EYA4: variants seen among roughly 807,000 people sequenced by gnomAD.
EYA4 encodes protein phosphatase EYA4.
Under a neutral mutation model 87.9 loss-of-function variants are expected in EYA4, and 31 were observed. That is an observed-to-expected ratio of 0.35 (90% CI 0.27 to 0.48). The LOEUF (loss-of-function observed/expected upper bound fraction) is 0.48. Ranked by LOEUF, EYA4 falls within the 20% of genes least tolerant of loss-of-function variation. The pLI is 0.99. For synonymous variants in EYA4, 263 were observed against 270.6 expected (o/e 0.97, Z 0.28); for missense variants, 678 against 761.4 (o/e 0.89, Z 1.29).
chr6:133,507,306 T>G (rs1798725946), intron 14 of EYA4: 1 of 152,206 alleles, frequency 6.6e-6, no homozygotes, highest in African/African-American at 2.4e-5. Context: ...AGCACATACT[T>G]CTGACCCATC....
intron 2 of EYA4, among the ~76,000 whole-genome samples, chr6:133,356,206 A>G (rs779286444): frequency 6.6e-6 from 1 of 152,082 alleles, no homozygotes; most frequent in Admixed American, 6.5e-5. Context: ...TCTCCAAATA[A>G]TCTCACATTG....
At chr6:133,443,160 A>AT (rs1197966601) in intron 3 of EYA4, among the ~76,000 whole-genome samples, 1 of 151,644 alleles carries the variant, frequency 6.6e-6, no homozygotes, top group African/African-American at 2.4e-5. Context: ...GTTTCCTTCT[A>AT]TTTTTTCTGA....
At chr6:133,316,770 T>C (rs1213546648) in intron 2 of EYA4, among the ~76,000 whole-genome samples, 1 of 152,196 alleles carries the variant, frequency 6.6e-6, no homozygotes, top group Non-Finnish European at 1.5e-5. Flanking sequence ...TGGCCTTCTT[T>C]TTCCTTGTGC....
intron 16 of EYA4, among the ~76,000 whole-genome samples, chr6:133,513,349 A>G (rs1344525242): frequency 1.3e-5 from 2 of 152,202 alleles, no homozygotes; most frequent in Admixed American, 6.5e-5. Flanking sequence ...AAAATCAGAC[A>G]GAGGAACTAA....
At chr6:133,445,076 C>T (rs934283502) in intron 3 of EYA4, among the ~76,000 whole-genome samples, 3 of 151,986 alleles carry the variant, frequency 2.0e-5, no homozygotes, top group Non-Finnish European at 2.9e-5. Flanking sequence ...CTGCTTTAAT[C>T]GTTCTGTTGG....
At chr6:133,327,999 C>A (rs1781638721) in intron 2 of EYA4, among the ~76,000 whole-genome samples, 1 of 152,200 alleles carries the variant, frequency 6.6e-6, no homozygotes, top group South Asian at 2.1e-4. Context: ...ATTTACATAA[C>A]CAGTGTAATT....
intron 2 of EYA4, among the ~76,000 whole-genome samples, chr6:133,305,349 A>C (rs1384303621): frequency 6.6e-6 from 1 of 152,140 alleles, no homozygotes. Context: ...TGCTGTTTTG[A>C]GAATAGCCTA....
intron 13 of EYA4, among the ~76,000 whole-genome samples, chr6:133,505,421 T>G (rs561442466): frequency 2.6e-5 from 4 of 152,310 alleles, no homozygotes; most frequent in Admixed American, 2.6e-4. Flanking sequence ...AAGCATATAT[T>G]TTTTACCTGG....
intron 13 of EYA4, among the ~76,000 whole-genome samples, chr6:133,505,627 T>C (rs1798533338): frequency 6.6e-6 from 1 of 152,194 alleles, no homozygotes; most frequent in African/African-American, 2.4e-5. Context: ...CACCTCCAGA[T>C]AACATTCTCT....
At chr6:133,417,767 AGAAATAAGGC>A (rs1789860756) in intron 3 of EYA4, among the ~76,000 whole-genome samples, 2 of 152,214 alleles carry the variant, frequency 1.3e-5, no homozygotes, top group South Asian at 4.1e-4. Flanking sequence ...CCCTTTACAT[AGAAATAAGGC>A]TCAAAGGGTT....
Position 133,313,893 on chromosome 6 carries a change from T to A in EYA4, c.33+39080T>A, listed in dbSNP as rs77647576. Among the ~76,000 whole-genome samples, 4 of 71,542 alleles carry A rather than the reference T, an allele frequency of 5.6e-5. No homozygotes were observed. The South Asian group carries it at 1.2e-3, about 22-fold the overall frequency. 46.9% of individuals were successfully genotyped at this position (71,542 alleles called of 152,430 possible). A position where few individuals can be genotyped will look rare whatever the true frequency, so the allele number is the denominator to read the frequency against. On this transcript the variant is annotated intron_variant, in intron 2 of 19. Transcript: ENST00000355286. Reference sequence around the variant, plus strand: ...TTTCCATGAGGATCTTTCTGATGTCTTATTTTTTTTCTGAGAGAGGCTGTG... The same window carrying A: ...TTTCCATGAGGATCTTTCTGATGTCATATTTTTTTTCTGAGAGAGGCTGTG...
intron 2 of EYA4, among the ~76,000 whole-genome samples, chr6:133,287,543 G>C (rs1778161735): frequency 6.6e-6 from 1 of 152,160 alleles, no homozygotes; most frequent in Non-Finnish European, 1.5e-5. Context: ...ACTGAGACTA[G>C]ACTGAAAAGG....
At chr6:133,364,074 C>G (rs1784676167) in intron 2 of EYA4, among the ~76,000 whole-genome samples, 1 of 152,176 alleles carries the variant, frequency 6.6e-6, no homozygotes, top group East Asian at 1.9e-4. Context: ...CCATCACCTG[C>G]TCAACTAGAA....
At chr6:133,324,441 A>G (rs866743920) in intron 2 of EYA4, among the ~76,000 whole-genome samples, 7 of 152,148 alleles carry the variant, frequency 4.6e-5, no homozygotes, top group African/African-American at 1.7e-4. Flanking sequence ...AGGCAGAGAG[A>G]AGTGTTATAT....
At chr6:133,424,854 A>C (rs1417466237) in intron 3 of EYA4, among the ~76,000 whole-genome samples, 1 of 150,772 alleles carries the variant, frequency 6.6e-6, no homozygotes, top group Non-Finnish European at 1.5e-5. Flanking sequence ...CCCACTCAGA[A>C]GGGATGGGGC....
chr6:133,281,254 G>A (rs1477269935), intron 2 of EYA4, among the ~76,000 whole-genome samples: 1 of 151,914 alleles, frequency 6.6e-6, no homozygotes, highest in South Asian at 2.1e-4. Context: ...CATTTTGTGG[G>A]TTGTCTTTTC....
In EYA4 at chr6:133,337,085, C is replaced by G. The variant is rs867370298; in HGVS notation, c.34-45307C>G. On this transcript the variant is annotated intron_variant, in intron 2 of 19. Coordinates refer to ENST00000355286, the MANE Select transcript of EYA4 (RefSeq NM_004100.5). The stretch of plus-strand genomic sequence containing the variant: ...AGGTTCTGAATACATGCTGTGCTGA[C>G]ATCGGCAGCGTAAATGTGTGTTGTG... 5.2e-4 allele frequency among the ~76,000 whole-genome samples: 79 copies of G among 152,302 alleles called. 1 individual carries two copies. The highest frequency in any genetic ancestry group is 6.8e-3 in the Middle Eastern group (2 of 294).
intron 2 of EYA4, among the ~76,000 whole-genome samples, chr6:133,280,551 G>A (rs1777539619): frequency 6.6e-6 from 1 of 151,704 alleles, no homozygotes; most frequent in African/African-American, 2.4e-5. Context: ...CATGTGCCAC[G>A]GCGCCCAGAT....
intron 5 of EYA4, among the ~76,000 whole-genome samples, chr6:133,456,246 T>G (rs1488681725): frequency 6.6e-6 from 1 of 152,202 alleles, no homozygotes; most frequent in East Asian, 1.9e-4. Context: ...GATGATTCCT[T>G]CTTTCCTATT....
Sources: allele counts gnomAD v4.1 joint callset (sites outside exome capture counted in the v4.1 genomes callset), GRCh38; gene constraint gnomAD v4.1.1; transcripts MANE v1.5; gene names NCBI Gene and HGNC (gene_info 2026-07-23, HGNC 2026-07-21).